KMT2C: variants seen among roughly 807,000 people sequenced by gnomAD.
The protein encoded by KMT2C is lysine methyltransferase 2C.
A neutral mutation model predicts 507.9 loss-of-function variants in KMT2C; 88 were observed. That is an observed-to-expected ratio of 0.17 (90% CI 0.15 to 0.21). The LOEUF is 0.21. Ranked by LOEUF, KMT2C falls within the 10% of genes least tolerant of loss-of-function variation. The pLI is 1.00. For missense variants in KMT2C, 4,954 were observed against 5,957.8 expected (o/e 0.83, Z 5.55); for synonymous variants, 2,049 against 2,080.8 (o/e 0.98, Z 0.42).
intron 23 of KMT2C, among the ~76,000 whole-genome samples, chr7:152,209,103 G>A (rs1340493254): frequency 1.3e-5 from 2 of 149,076 alleles, no homozygotes; most frequent in African/African-American, 5.0e-5. Context: ...AGGTTTCAGT[G>A]AGCCGAGATT....
chr7:152,261,016 ATT>A (rs2095761820), intron 9 of KMT2C, among the ~76,000 whole-genome samples: 595 of 146,208 alleles, frequency 4.1e-3, no homozygotes, highest in African/African-American at 8.8e-3. Context: ...GTAGAAAGGA[ATT>A]ATAAGAACAA....
intron 3 of KMT2C, among the ~76,000 whole-genome samples, chr7:152,321,160 G>C (rs1589169325): frequency 6.6e-6 from 1 of 152,078 alleles, no homozygotes; most frequent in African/African-American, 2.4e-5. Context: ...CTTGAACCTA[G>C]GAGGTGGTGG....
chr7:152,270,833 T>C (rs1460902857), intron 7 of KMT2C, among the ~76,000 whole-genome samples: 1 of 152,210 alleles, frequency 6.6e-6, no homozygotes, highest in African/African-American at 2.4e-5. Flanking sequence ...CAGAGCACCC[T>C]AAAAGTGTTT....
chr7:152,324,944 T>C (rs1295016623), intron 3 of KMT2C, among the ~76,000 whole-genome samples: 1 of 152,054 alleles, frequency 6.6e-6, no homozygotes, highest in East Asian at 1.9e-4. Flanking sequence ...GTAATGTTTA[T>C]TGCAAGTAAT....
Position 152,154,414 on chromosome 7 carries a change from G to A in KMT2C, c.11992C>T (p.Pro3998Ser), listed in dbSNP as rs766640263. The A allele has an allele frequency of 6.2e-7, 1 of 1,613,874 alleles. No homozygotes were observed. Among genetic ancestry groups the A allele is most frequent in the South Asian group, 1.1e-5 (1 of 91,074 alleles). ...IQDHCGDRDT[P>S]DSFVPSSSPE... ...GAGGATGAGGGAACAAAACTGTCAG[G>A]AGTATCTCGATCACCACAGTGATCC... is the stretch of plus-strand genomic sequence containing the variant. The change falls in exon 47 of 59, where the codon CCT becomes TCT. Residue 3998 changes from proline to serine, a missense_variant. Transcript: ENST00000262189.
rs35781658 is a variant in KMT2C, at chr7:152,332,851, AACACACAC to A, written c.251-2120_251-2113del. ...CAACAGGAATGAAACTGCGTCTCAA[AACACACAC>A]ACACACACACACACACACACACACA... is the stretch of plus-strand genomic sequence containing the variant. On this transcript the variant is annotated intron_variant, in intron 2 of 58. Transcript: ENST00000262189. Among the ~76,000 whole-genome samples the A allele has an allele frequency of 2.5e-3, 347 of 138,604 alleles. 1 individual carries two copies. Among genetic ancestry groups the A allele is most frequent in the Middle Eastern group, 3.7e-3 (1 of 272 alleles). The allele number at this position is 138,604 out of a possible 152,430, so 90.9% of individuals were successfully genotyped here. A position where few individuals can be genotyped will look rare whatever the true frequency, so the allele number is the denominator to read the frequency against.
chr7:152,339,876 AAAAT>A (rs2129218725), intron 2 of KMT2C, among the ~76,000 whole-genome samples: 1 of 152,316 alleles, frequency 6.6e-6, no homozygotes, highest in Admixed American at 6.5e-5. Flanking sequence ...AGCACAGAGA[AAAAT>A]AATATATTTA....
At chr7:152,353,897 C>T (rs2097132813) in intron 2 of KMT2C, among the ~76,000 whole-genome samples, 1 of 152,180 alleles carries the variant, frequency 6.6e-6, no homozygotes, top group Admixed American at 6.5e-5. Context: ...GGTCTTGAGA[C>T]ATACATATGT....
intron 22 of KMT2C, 86 bp downstream of exon 22, chr7:152,221,915 A>G (rs367573142): frequency 1.1e-6 from 1 of 911,820 alleles, no homozygotes; most frequent in Admixed American, 2.2e-5. Context: ...CATATGATTG[A>G]AGCAGGTTTG....
chr7:152,151,713 T>A lies in KMT2C; in HGVS notation c.12527-132A>T, dbSNP rs190763588. The A allele has an allele frequency of 2.3e-3, 1,428 of 620,098 alleles. 20 individuals carry two copies. In the African/African-American group the frequency reaches 0.025, roughly 11 times the overall value. The allele number at this position is 620,098 out of a possible 1,614,324, so 38.4% of individuals were successfully genotyped here. A position where few individuals can be genotyped will look rare whatever the true frequency, so the allele number is the denominator to read the frequency against. ...ATTATTCTTTAATTAATAAAAAAAA[T>A]TTATCTTCTAAGCAATGGTTACAGA... On this transcript the variant is annotated intron_variant, in intron 49 of 58. Coordinates refer to ENST00000262189, the MANE Select transcript of KMT2C (RefSeq NM_170606.3).
At chr7:152,269,526 T>C (rs573091770) in intron 7 of KMT2C, among the ~76,000 whole-genome samples, 2 of 152,194 alleles carry the variant, frequency 1.3e-5, no homozygotes, top group Non-Finnish European at 2.9e-5. Context: ...CCAGAGACAC[T>C]AAGTTTAAAG....
rs2129095148 is a variant in KMT2C at position 152,148,368 on chromosome 7, G to A, written c.13559C>T (p.Ala4520Val). ...GIHEQELSYF[A>V]VFRRVYVQRD... ...CTGAACATAGACCCTCCTGAAGACT[G>A]CAAAGTAACTTAATTCTTGCTCATG... is the stretch of plus-strand genomic sequence containing the variant. Residue 4520 changes from alanine to valine, a missense_variant, in exon 52 of 59, where the codon GCA becomes GTA. Ala to Val is a moderately conservative substitution (Grantham distance 64). Coordinates refer to ENST00000262189, the MANE Select transcript of KMT2C (RefSeq NM_170606.3). The surrounding 1 kb of genome is among the most constrained non-coding windows in gnomAD (Gnocchi z 7.1). The A allele has an allele frequency of 6.2e-7, 1 of 1,614,258 alleles. No individual in the cohort carries two copies. Among genetic ancestry groups the A allele is most frequent in the Non-Finnish European group, 8.5e-7 (1 of 1,180,052 alleles).
intron 1 of KMT2C, among the ~76,000 whole-genome samples, chr7:152,410,490 A>G (rs1162879427): frequency 5.9e-5 from 9 of 152,152 alleles, no homozygotes; most frequent in Non-Finnish European, 1.2e-4. Context: ...AGGCAGCAGA[A>G]TCGCTTGAAC....
chr7:152,172,336 G>A (rs1483770359), intron 39 of KMT2C, among the ~76,000 whole-genome samples: 6 of 152,264 alleles, frequency 3.9e-5, no homozygotes, highest in South Asian at 2.1e-4. Flanking sequence ...GTATCTAACC[G>A]GCAGATGCAT....
chr7:152,425,449 C>T (rs891729129), intron 1 of KMT2C, among the ~76,000 whole-genome samples: 2 of 152,022 alleles, frequency 1.3e-5, no homozygotes, highest in East Asian at 1.9e-4. Flanking sequence ...GGTGGAGGGG[C>T]GCCTGTACTC....
intron 24 of KMT2C, among the ~76,000 whole-genome samples, chr7:152,206,710 C>T (rs1160539884): frequency 6.6e-6 from 1 of 152,108 alleles, no homozygotes. Context: ...TGTATTGTGA[C>T]AATTTTAATA....
chr7:152,248,586 T>C lies in KMT2C; in HGVS notation c.1848A>G (p.Glu616=), dbSNP rs1234080010. The change falls in exon 14 of 59, where the codon GAA becomes GAG. Residue 616 remains glutamate, a synonymous_variant. Transcript: ENST00000262189. ...TATCAACTTCATTAGAAATCTGTTT[T>C]TCCAATTCAGTATTCACTGTATGTT... ...SSQHTVNTEL[E]KQISNEVDSE... is the part of the protein sequence containing the mutation. The C allele has an allele frequency of 2.5e-6, 4 of 1,613,074 alleles. No individual in the cohort carries two copies. Among genetic ancestry groups the C allele is most frequent in the Non-Finnish European group, 3.4e-6 (4 of 1,179,244 alleles).
intron 24 of KMT2C, among the ~76,000 whole-genome samples, chr7:152,207,089 C>T (rs2094329003): frequency 6.6e-6 from 1 of 152,044 alleles, no homozygotes; most frequent in African/African-American, 2.4e-5. Context: ...AATAATGATT[C>T]ATTGTGAAGT....
chr7:152,166,977 G>A (rs2092759443), intron 42 of KMT2C, among the ~76,000 whole-genome samples, 169 bp downstream of exon 42: 1 of 152,116 alleles, frequency 6.6e-6, no homozygotes, highest in South Asian at 2.1e-4. Context: ...AGCTGTTATG[G>A]CTGCAGTTAC....
Sources: allele counts gnomAD v4.1 joint callset (sites outside exome capture counted in the v4.1 genomes callset), GRCh38; gene constraint gnomAD v4.1.1; non-coding constraint Gnocchi (gnomAD v3.1); transcripts MANE v1.5; gene names NCBI Gene and HGNC (gene_info 2026-07-23, HGNC 2026-07-21).